Variants in ROR1 observed in about 807,000 individuals in gnomAD.
ROR1 encodes the protein ROR family WNT receptor 1.
In ROR1, 19 loss-of-function variants were observed where a neutral mutation model predicts 78.8. The observed-to-expected ratio is 0.24, with a 90% CI of 0.17 to 0.35. The LOEUF is 0.35. ROR1 is among the 10% of genes least tolerant of loss of function. ROR1 has a pLI of 1.00. For synonymous variants in ROR1, 386 were observed against 433.6 expected (o/e 0.89, Z 1.36); for missense variants, 917 against 1,177.8 (o/e 0.78, Z 3.24).
At chr1:63,856,549 T>A (rs1279786647) in intron 1 of ROR1, among the ~76,000 whole-genome samples, 4 of 152,168 alleles carry the variant, frequency 2.6e-5, no homozygotes, top group Non-Finnish European at 5.9e-5. Context: ...CCTTGCAAAC[T>A]CTAGTTGCCT....
At chr1:63,906,430 C>T (rs1427076195) in intron 1 of ROR1, among the ~76,000 whole-genome samples, 1 of 152,172 alleles carries the variant, frequency 6.6e-6, no homozygotes, top group Non-Finnish European at 1.5e-5. Flanking sequence ...TGCGAATGAC[C>T]TTTCCAAGAA....
chr1:63,941,629 G>A (rs1214363367), intron 1 of ROR1, among the ~76,000 whole-genome samples: 2 of 152,172 alleles, frequency 1.3e-5, no homozygotes, highest in Non-Finnish European at 2.9e-5. Flanking sequence ...TTATAGGGTT[G>A]TGTGCATGAC....
chr1:63,849,556 G>T (rs2100328193), intron 1 of ROR1, among the ~76,000 whole-genome samples: 1 of 152,192 alleles, frequency 6.6e-6, no homozygotes, highest in South Asian at 2.1e-4. Flanking sequence ...AAAGTTGGCG[G>T]GGTGTGGGGT....
chr1:63,967,535 C>G (rs750830390), intron 1 of ROR1, among the ~76,000 whole-genome samples: 5 of 152,118 alleles, frequency 3.3e-5, no homozygotes, highest in Non-Finnish European at 7.4e-5. Context: ...CTCCACTCAT[C>G]TTAGGAGTTC....
chr1:63,987,832 C>A (rs1351233057), intron 1 of ROR1, among the ~76,000 whole-genome samples: 1 of 152,132 alleles, frequency 6.6e-6, no homozygotes, highest in Admixed American at 6.6e-5. Context: ...TTAAGCCAGG[C>A]TATTTGTACA....
chr1:63,929,541 C>G (rs948832870), intron 1 of ROR1, among the ~76,000 whole-genome samples: 1 of 152,148 alleles, frequency 6.6e-6, no homozygotes, highest in African/African-American at 2.4e-5. Flanking sequence ...GGGCAGAGAC[C>G]ATGGAAAAGC....
chr1:63,923,228 C>G (rs1348169351), intron 1 of ROR1, among the ~76,000 whole-genome samples: 2 of 152,164 alleles, frequency 1.3e-5, no homozygotes, highest in African/African-American at 2.4e-5. Context: ...CCCCCCAAAA[C>G]TTTCTGCAAA....
intron 1 of ROR1, among the ~76,000 whole-genome samples, chr1:63,908,414 AAACAG>A (rs772512739): frequency 7.9e-5 from 12 of 152,182 alleles, no homozygotes; most frequent in Non-Finnish European, 1.8e-4. Flanking sequence ...TTTCTTTGGT[AAACAG>A]AAGTTTATTA....
chr1:64,154,346 G>A (rs1374209166), intron 7 of ROR1, among the ~76,000 whole-genome samples: 3 of 152,140 alleles, frequency 2.0e-5, no homozygotes, highest in Non-Finnish European at 4.4e-5. Context: ...GTAATAAATT[G>A]GTAGTGATTC....
intron 1 of ROR1, among the ~76,000 whole-genome samples, chr1:63,849,733 C>T (rs1020513572): frequency 1.3e-5 from 2 of 152,120 alleles, no homozygotes; most frequent in African/African-American, 2.4e-5. Context: ...TGCTCCACAA[C>T]AGTGGATGGA....
chr1:64,079,528 G>A (rs972689676), intron 4 of ROR1, among the ~76,000 whole-genome samples: 1 of 150,490 alleles, frequency 6.6e-6, no homozygotes, highest in East Asian at 1.9e-4. Context: ...CTGGAGTACA[G>A]TGGCGCAGTC....
At chr1:63,861,938 A>C (rs1645184774) in intron 1 of ROR1, among the ~76,000 whole-genome samples, 1 of 152,224 alleles carries the variant, frequency 6.6e-6, no homozygotes, top group South Asian at 2.1e-4. Flanking sequence ...GCTAAGATTT[A>C]TTAAAATAAA....
At chr1:63,904,546 T>C (rs1645513509) in intron 1 of ROR1, among the ~76,000 whole-genome samples, 1 of 152,204 alleles carries the variant, frequency 6.6e-6, no homozygotes, top group Non-Finnish European at 1.5e-5. Flanking sequence ...CAGCCTGTTA[T>C]GAATTGAGGT....
chr1:63,961,223 A>G (rs2100485223), intron 1 of ROR1, among the ~76,000 whole-genome samples: 1 of 152,304 alleles, frequency 6.6e-6, no homozygotes, highest in South Asian at 2.1e-4. Context: ...CGGGGAACCC[A>G]TACACTGTTG....
intron 1 of ROR1, among the ~76,000 whole-genome samples, chr1:63,842,583 G>A (rs1046483244): frequency 1.2e-4 from 19 of 152,108 alleles, no homozygotes; most frequent in African/African-American, 4.6e-4. Flanking sequence ...TGGAACCAAG[G>A]GCAGCCAGTG....
chr1:63,920,739 G>A (rs1248232422), intron 1 of ROR1, among the ~76,000 whole-genome samples: 3 of 152,082 alleles, frequency 2.0e-5, no homozygotes, highest in Non-Finnish European at 2.9e-5. Flanking sequence ...ATTTTTTTAT[G>A]CATTACAAAG....
intron 2 of ROR1, among the ~76,000 whole-genome samples, chr1:64,049,464 A>G (rs938768049): frequency 3.3e-5 from 5 of 152,122 alleles, no homozygotes; most frequent in Non-Finnish European, 5.9e-5. Flanking sequence ...TTTGGGTTCT[A>G]TACTCTGATT....
intron 1 of ROR1, among the ~76,000 whole-genome samples, chr1:63,981,731 G>A (rs769391784): frequency 6.6e-5 from 10 of 152,006 alleles, no homozygotes; most frequent in South Asian, 4.2e-4. Context: ...CTGGCCTAGC[G>A]GTTTAAGTTT....
chr1:63,823,005 CT>C (rs1397657563), intron 1 of ROR1, among the ~76,000 whole-genome samples: 2 of 151,586 alleles, frequency 1.3e-5, no homozygotes, highest in Non-Finnish European at 2.9e-5. Context: ...TTACACATAA[CT>C]GATGCCATGT....
Sources: allele counts gnomAD v4.1 joint callset (sites outside exome capture counted in the v4.1 genomes callset), GRCh38; gene constraint gnomAD v4.1.1; transcripts MANE v1.5; gene names NCBI Gene and HGNC (gene_info 2026-07-23, HGNC 2026-07-21).